The following C4orf17 variants were observed in gnomAD, a reference collection of about 807,000 sequenced individuals.
C4orf17 encodes chromosome 4 open reading frame 17, also known as uncharacterized protein C4orf17.
In C4orf17, 25 loss-of-function variants were observed where a neutral mutation model predicts 32.0. The ratio of observed to expected loss-of-function variants is 0.78; its 90% confidence interval spans 0.57 to 1.09. The LOEUF (loss-of-function observed/expected upper bound fraction) is 1.09. Ranked by LOEUF, C4orf17 falls within the 50% of genes least tolerant of loss-of-function variation. The pLI is 0.00. For synonymous variants in C4orf17, 149 were observed against 145.8 expected, an observed-to-expected ratio of 1.02 and a Z score of -0.16; for missense variants, 420 against 420.0, an observed-to-expected ratio of 1.00 and a Z score of 0.00.
chr4:99,537,583 A>C, intron 5 of C4orf17, 86 bp from the exon 6 acceptor site: 1 of 921,268 alleles, frequency 1.1e-6, no homozygotes, highest in East Asian at 2.4e-5. Context: ...ATATTTGGGA[A>C]GATGGGATTC....
At chr4:99,513,235 T>C (rs1360681589) in intron 2 of C4orf17, 27 bp downstream of exon 2, 3 of 1,613,020 alleles carry the variant, frequency 1.9e-6, no homozygotes, top group East Asian at 2.2e-5. Flanking sequence ...TCCTAGTATG[T>C]GTCTCTATTC....
intron 7 of C4orf17, 136 bp from the exon 8 acceptor site, chr4:99,540,276 G>T (rs1377108856): frequency 7.4e-6 from 4 of 541,348 alleles, no homozygotes; most frequent in Non-Finnish European, 1.3e-5. Flanking sequence ...AATACTGTAT[G>T]CATTAAAAAA....
intron 7 of C4orf17, 28 bp downstream of exon 7, chr4:99,539,398 G>T: frequency 6.5e-7 from 1 of 1,535,724 alleles, no homozygotes; most frequent in East Asian, 2.3e-5. Context: ...CCCCCTAGAG[G>T]GAGGGCCTAT....
At chr4:99,541,185 C>T (rs1723646494) in intron 8 of C4orf17, 1 of 152,210 alleles carries the variant, frequency 6.6e-6, no homozygotes, top group Non-Finnish European at 1.5e-5. Context: ...ACTGGGGTCA[C>T]CCTAGACTCC....
intron 2 of C4orf17, among the ~76,000 whole-genome samples, chr4:99,515,815 T>A (rs1421701831): frequency 6.6e-6 from 1 of 151,706 alleles, no homozygotes; most frequent in Non-Finnish European, 1.5e-5. Context: ...AAAAAAGTCA[T>A]GATACAAATA....
In C4orf17 at chr4:99,537,697, A is replaced by C. The variant is rs748151070; in HGVS notation, c.575A>C (p.His192Pro). The stretch of plus-strand genomic sequence containing the variant: ...CTGGCAAAGCTCTGTAGCATTTTGC[A>C]TACTGATTCTCTGGCAGAAGTTTTA... ...KILAKLCSIL[H>P]TDSLAEVLQW... is the part of the protein sequence containing the mutation. The change falls in exon 6 of 9, where the codon CAT (histidine) becomes CCT (proline). Residue 192 changes from histidine (H) to proline (P), a missense_variant. Physicochemically the swap from His to Pro is moderately conservative, Grantham distance 77. Transcript: ENST00000326581. 1.2e-6 allele frequency: 2 copies of C among 1,612,796 alleles called. No individual in the cohort carries two copies. The highest frequency in any genetic ancestry group is 2.7e-5 in the African/African-American group (2 of 74,924).
At chr4:99,539,018 C>A in intron 6 of C4orf17, 145 bp from the exon 7 acceptor site, 1 of 756,094 alleles carries the variant, frequency 1.3e-6, no homozygotes, top group Non-Finnish European at 2.2e-6. Context: ...AACTTTTCTG[C>A]AGAAGTCCTT....
At position 99,524,568 on chromosome 4, in the gene C4orf17, C is replaced by T; in HGVS notation, c.385C>T (p.Pro129Ser). ...KECFKTSSEN[P>S]LVIKKEEIKA... ...GTGCTTCAAAACTTCCAGTGAGAATCCCTTAGTAATTAAAAAGGTAAGGAA... is the reference window on the plus strand; with the variant it reads ...GTGCTTCAAAACTTCCAGTGAGAATTCCTTAGTAATTAAAAAGGTAAGGAA... The change falls in exon 4 of 9, where the codon CCC becomes TCC. Residue 129 changes from proline (P) to serine (S), a missense_variant. By Grantham distance (74) the Pro-to-Ser change is moderately conservative (BLOSUM62 -1). Transcript: ENST00000326581. 6 of 1,600,628 alleles carry T rather than the reference C, an allele frequency of 3.7e-6. No homozygotes were observed. Among genetic ancestry groups the T allele is most frequent in the Non-Finnish European group, 4.3e-6 (5 of 1,169,694 alleles).
In C4orf17 at chr4:99,513,014, T is replaced by C; in HGVS notation, c.-68T>C. On this transcript the variant is annotated 5_prime_UTR_variant, in exon 2 of 9. Transcript: ENST00000326581. ...GGTCTGAGCACATCTGGAAGTGAGG[T>C]CAATCAAGTTAGACCCCAAAAACTT... 1 of 1,572,422 alleles carries C rather than the reference T, an allele frequency of 6.4e-7. No homozygotes were observed. Among genetic ancestry groups the C allele is most frequent in the Non-Finnish European group, 8.7e-7 (1 of 1,147,722 alleles).
At chr4:99,541,011 G>A (rs1723644020) in intron 8 of C4orf17, 1 of 152,422 alleles carries the variant, frequency 6.6e-6, no homozygotes, top group Admixed American at 6.5e-5. Flanking sequence ...ATAGCCCAAA[G>A]TATCCTTATA....
At position 99,524,249 on chromosome 4, in the gene C4orf17, A is replaced by C. The variant is rs1723349554; in HGVS notation, c.338-272A>C. 1.3e-5 allele frequency among the ~76,000 whole-genome samples: 2 copies of C among 152,024 alleles called. 1 individual carries two copies. The highest frequency in any genetic ancestry group is 2.9e-5 in the Non-Finnish European group (2 of 67,958). ...GCCCGCCTTGGCCTCCCTAAAATAT[A>C]TACTTTTTAAATCAGTTTAACCAGA... On this transcript the variant is annotated intron_variant, in intron 3 of 8. Coordinates refer to ENST00000326581, the MANE Select transcript of C4orf17 (RefSeq NM_032149.3).
intron 5 of C4orf17, among the ~76,000 whole-genome samples, chr4:99,530,699 G>A (rs1723464343): frequency 6.6e-6 from 1 of 152,032 alleles, no homozygotes; most frequent in African/African-American, 2.4e-5. Context: ...GATGGTTATT[G>A]AATAAGCCTA....
At chr4:99,540,533 A>G (rs770153228) in intron 8 of C4orf17, 78 bp downstream of exon 8, 1 of 924,764 alleles carries the variant, frequency 1.1e-6, no homozygotes. Context: ...AACAGATTTT[A>G]AGGATCAGTG....
At chr4:99,538,420 G>A (rs1316844287) in intron 6 of C4orf17, among the ~76,000 whole-genome samples, 1 of 152,198 alleles carries the variant, frequency 6.6e-6, no homozygotes, top group African/African-American at 2.4e-5. Context: ...GCTGGTCTCA[G>A]CACTACTCTT....
At position 99,518,571 on chromosome 4, in the gene C4orf17, AG is replaced by A. The variant is rs1560585610; in HGVS notation, c.128-3928del. On this transcript the variant is annotated intron_variant, in intron 2 of 8. Coordinates refer to ENST00000326581, the MANE Select transcript of C4orf17 (RefSeq NM_032149.3). ...GAGAGAGAGAGAGAGAGAGAGAGAG[AG>A]AGAGAGAGAGAGGGAGGGAGACAGA... Among the ~76,000 whole-genome samples the A allele has an allele frequency of 2.1e-3, 273 of 128,692 alleles. 7 individuals are homozygous for A. Among genetic ancestry groups the A allele is most frequent in the African/African-American group, 8.4e-3 (254 of 30,192 alleles). 84.4% of individuals were successfully genotyped at this position (128,692 alleles called of 152,430 possible).
At chr4:99,522,777 T>A in intron 3 of C4orf17, 68 bp downstream of exon 3, 1 of 1,234,950 alleles carries the variant, frequency 8.1e-7, no homozygotes, top group Admixed American at 2.0e-5. Flanking sequence ...GGGGAGTCTA[T>A]ATGATGCTAA....
chr4:99,516,427 T>C (rs1578186507), intron 2 of C4orf17, among the ~76,000 whole-genome samples: 2 of 152,226 alleles, frequency 1.3e-5, no homozygotes, highest in Admixed American at 1.3e-4. Flanking sequence ...ATAGAAATGA[T>C]ATTTAAAGGC....
In C4orf17 at chr4:99,542,032, C is replaced by A; in HGVS notation, c.1003C>A (p.Pro335Thr). The A allele has an allele frequency of 6.2e-7, 1 of 1,614,088 alleles. No homozygotes were observed. The highest frequency in any genetic ancestry group is 1.3e-5 in the African/African-American group (1 of 75,044). The change falls in exon 9 of 9, where the codon CCA becomes ACA. Residue 335 changes from proline to threonine, a missense_variant. By Grantham distance (38) the Pro-to-Thr change is conservative. Coordinates refer to ENST00000326581, the MANE Select transcript of C4orf17 (RefSeq NM_032149.3). ...CACTCAGGAGAGTGGATCAGCAAAA[C>A]CAGTGTCAGCAAGGAGTATACAAGA... ...PNTQESGSAK[P>T]VSARSIQEYN...
At chr4:99,516,970 G>C (rs1723198783) in intron 2 of C4orf17, among the ~76,000 whole-genome samples, 1 of 151,540 alleles carries the variant, frequency 6.6e-6, no homozygotes. Flanking sequence ...GGATCTATTG[G>C]CTCAAGTAAC....
Sources: allele counts gnomAD v4.1 joint callset (sites outside exome capture counted in the v4.1 genomes callset), GRCh38; gene constraint gnomAD v4.1.1; transcripts MANE v1.5; gene names NCBI Gene and HGNC (gene_info 2026-07-23, HGNC 2026-07-21).